RPUSD2: variants seen among roughly 807,000 people sequenced by gnomAD.
RPUSD2 encodes the protein RNA pseudouridine synthase domain containing 2.
A neutral mutation model predicts 41.5 loss-of-function variants in RPUSD2; 31 were observed. That is an observed-to-expected ratio of 0.75 (90% confidence interval 0.56 to 1.01). The LOEUF (loss-of-function observed/expected upper bound fraction) is 1.01. RPUSD2 is among the 50% of genes least tolerant of loss of function. The probability of loss-of-function intolerance (pLI) is 0.00; values close to 1 mark genes in which losing one functional copy is unlikely to be tolerated. For synonymous variants in RPUSD2, 305 were observed against 289.7 expected (o/e 1.05, Z -0.54); for missense variants, 749 against 724.7 (o/e 1.03, Z -0.38).
Position 40,569,679 on chromosome 15 carries a change from G to A in RPUSD2, c.342G>A (p.Pro114=), listed in dbSNP as rs200775057. Residue 114 remains proline (P), a synonymous_variant, in exon 1 of 3, where the codon CCG becomes CCA. Transcript: ENST00000315616. ...GATRERVVPP[P]KKRRTGVSFG... is the part of the protein sequence containing the mutation. The stretch of plus-strand genomic sequence containing the variant: ...CCAGGGAGCGTGTCGTGCCGCCCCC[G>A]AAGAAGCGGCGGACCGGGGTGAGCT... The A allele has an allele frequency of 4.4e-4, 685 of 1,560,410 alleles. 4 individuals carry two copies. In the African/African-American group the frequency reaches 7.5e-3, roughly 17 times the overall value.
chr15:40,569,889 G>C lies in RPUSD2; in HGVS notation c.552G>C (p.Ala184=), dbSNP rs1345035707. The C allele has an allele frequency of 1.3e-6, 2 of 1,582,586 alleles. No individual in the cohort carries two copies. Among genetic ancestry groups the C allele is most frequent in the South Asian group, 2.3e-5 (2 of 86,996 alleles). ...PLAYYEAAVR[A]GRLQLNEKPV... ...CCTACTATGAGGCCGCGGTCCGGGC[G>C]GGCCGCCTGCAACTCAACGAGAAGC... The change falls in exon 1 of 3, where the codon GCG becomes GCC. Residue 184 remains alanine (A), a synonymous_variant. Coordinates refer to ENST00000315616, the MANE Select transcript of RPUSD2 (RefSeq NM_152260.3).
Position 40,574,309 on chromosome 15 carries a change from G to T in RPUSD2, c.*48G>T, listed in dbSNP as rs1033549404. ...GCTTCTTGGGTTGTGACAAGGATGG[G>T]CTATAGGGCAAGGGCTGACCCCATG... is the stretch of plus-strand genomic sequence containing the variant. On this transcript the variant is annotated 3_prime_UTR_variant, in exon 3 of 3. Transcript: ENST00000315616. 2 of 1,571,540 alleles carry T rather than the reference G, an allele frequency of 1.3e-6. No individual in the cohort carries two copies. The highest frequency in any genetic ancestry group is 2.4e-5 in the South Asian group (2 of 83,692).
chr15:40,570,046 T>A (rs929881382), intron 1 of RPUSD2, 103 bp downstream of exon 1: 37 of 1,018,322 alleles, frequency 3.6e-5, no homozygotes, highest in Middle Eastern at 2.8e-4. Context: ...AGGTACTGGA[T>A]TAAAATCATG....
At chr15:40,570,226 AAC>A (rs1891109590) in intron 1 of RPUSD2, among the ~76,000 whole-genome samples, 1 of 152,138 alleles carries the variant, frequency 6.6e-6, no homozygotes, top group Admixed American at 6.5e-5. Flanking sequence ...AATTCCTTTA[AAC>A]ACCGTCTTGT....
At chr15:40,570,357 C>A (rs1277143124) in intron 1 of RPUSD2, among the ~76,000 whole-genome samples, 1 of 152,156 alleles carries the variant, frequency 6.6e-6, no homozygotes, top group Non-Finnish European at 1.5e-5. Context: ...ATTGTATGTC[C>A]ACTAATTCTA....
intron 2 of RPUSD2, 118 bp from the exon 3 acceptor site, chr15:40,573,409 G>A: frequency 6.2e-6 from 7 of 1,125,498 alleles, no homozygotes; most frequent in Non-Finnish European, 7.6e-6. Context: ...CGCAAAACTG[G>A]CGAATGGTAG....
rs398026953 is a variant in RPUSD2, at chr15:40,573,020, CT to C, written c.904-486del. Among the ~76,000 whole-genome samples the C allele has an allele frequency of 7.4e-3, 714 of 96,658 alleles. 5 individuals are homozygous for C. The highest frequency in any genetic ancestry group is 0.024 in the African/African-American group (585 of 24,518). 63.4% of individuals were successfully genotyped at this position (96,658 alleles called of 152,430 possible). A position where few individuals can be genotyped will look rare whatever the true frequency, so the allele number is the denominator to read the frequency against. On this transcript the variant is annotated intron_variant, in intron 2 of 2. Coordinates refer to ENST00000315616, the MANE Select transcript of RPUSD2 (RefSeq NM_152260.3). Reference sequence around the variant, plus strand: ...GAGGTAAATGCTTTTCTTTTCTTTTCTTTTTTTTTTTTTTTTTTTTTGAGAT... The same window carrying C: ...GAGGTAAATGCTTTTCTTTTCTTTTCTTTTTTTTTTTTTTTTTTTTGAGAT...
chr15:40,571,748 C>T lies in RPUSD2; in HGVS notation c.751C>T (p.His251Tyr). 1.9e-6 allele frequency: 3 copies of T among 1,614,262 alleles called. No individual in the cohort carries two copies. The highest frequency in any genetic ancestry group is 2.5e-6 in the Non-Finnish European group (3 of 1,180,052). ...CGTTCACCCCTGTGGCCGCTTCCGA[C>T]ACAACACAGTTATCTTCATCCTAGG... ...IPVHPCGRFR[H>Y]NTVIFILGKE... Residue 251 changes from histidine to tyrosine, a missense_variant, in exon 2 of 3, where the codon CAC becomes TAC. Coordinates refer to ENST00000315616, the MANE Select transcript of RPUSD2 (RefSeq NM_152260.3).
In RPUSD2 at chr15:40,571,982, A is replaced by C. The variant is rs565744341; in HGVS notation, c.903+82A>C. 216 of 1,423,146 alleles carry C rather than the reference A, an allele frequency of 1.5e-4. No homozygotes were observed. In the East Asian group the frequency reaches 3.7e-3, roughly 25 times the overall value. 88.2% of individuals were successfully genotyped at this position (1,423,146 alleles called of 1,614,324 possible). A position where few individuals can be genotyped will look rare whatever the true frequency, so the allele number is the denominator to read the frequency against. On this transcript the variant is annotated intron_variant, in intron 2 of 2. Coordinates refer to ENST00000315616, the MANE Select transcript of RPUSD2 (RefSeq NM_152260.3). ...TCAAAAGGGCATCATGGAGTTCCGA[A>C]GTGGTCCTTCATATTTATCTGGCCA...
In RPUSD2 at chr15:40,569,473, G is replaced by A. The variant is rs202033798; in HGVS notation, c.136G>A (p.Glu46Lys). ...AETVSTQVGT[E>K]GGLRASHQQN... is the part of the protein sequence containing the mutation. ...AACAGTGTCTACCCAGGTTGGGACA[G>A]AGGGCGGGCTGAGGGCTTCGCATCA... Residue 46 changes from glutamate (E) to lysine (K), a missense_variant, in exon 1 of 3, where the codon GAG becomes AAG. Coordinates refer to ENST00000315616, the MANE Select transcript of RPUSD2 (RefSeq NM_152260.3). 5.7e-6 allele frequency: 9 copies of A among 1,574,834 alleles called. No individual in the cohort carries two copies. The highest frequency in any genetic ancestry group is 5.2e-6 in the Non-Finnish European group (6 of 1,163,750).
rs962957052 is a variant in RPUSD2 at position 40,574,870 on chromosome 15, C to T, written c.*609C>T. The T allele has an allele frequency of 6.6e-6, 1 of 152,238 alleles. No homozygotes were observed. The highest frequency in any genetic ancestry group is 1.5e-5 in the Non-Finnish European group (1 of 68,070). The allele number at this position is 152,238 out of a possible 1,614,324, so 9.4% of individuals were successfully genotyped here. A position where few individuals can be genotyped will look rare whatever the true frequency, so the allele number is the denominator to read the frequency against. ...CTCCCCTTCCACCAGCCTCTGGCAA[C>T]CACTAATCTACTTTCTGTCTGTTTG... On this transcript the variant is annotated 3_prime_UTR_variant, in exon 3 of 3. Transcript: ENST00000315616.
At position 40,573,838 on chromosome 15, in the gene RPUSD2, C is replaced by T. The variant is rs1471184041; in HGVS notation, c.1215C>T (p.Pro405=). 10 of 1,614,030 alleles carry T rather than the reference C, an allele frequency of 6.2e-6. No homozygotes were observed. Among genetic ancestry groups the T allele is most frequent in the Non-Finnish European group, 8.5e-6 (10 of 1,180,026 alleles). Reference sequence around the variant, plus strand: ...CTCGAGGCCGGGGCGGCTACATTCCCAAGACAAACGAGGAGTTGCTACGGG... The same window carrying T: ...CTCGAGGCCGGGGCGGCTACATTCCTAAGACAAACGAGGAGTTGCTACGGG... ...GPSRGRGGYI[P]KTNEELLRDL... Residue 405 remains proline, a synonymous_variant, in exon 3 of 3, where the codon CCC becomes CCT. Coordinates refer to ENST00000315616, the MANE Select transcript of RPUSD2 (RefSeq NM_152260.3).
intron 1 of RPUSD2, 157 bp downstream of exon 1, chr15:40,570,100 G>A: frequency 9.2e-7 from 1 of 1,088,860 alleles, no homozygotes; most frequent in South Asian, 1.9e-5. Flanking sequence ...CACTATTTTA[G>A]CCCGTTTCCC....
chr15:40,569,870 A>G lies in RPUSD2; in HGVS notation c.533A>G (p.Tyr178Cys), dbSNP rs1891100715. 2 of 1,604,534 alleles carry G rather than the reference A, an allele frequency of 1.2e-6. No homozygotes were observed. The highest frequency in any genetic ancestry group is 1.3e-5 in the African/African-American group (1 of 74,862). Residue 178 changes from tyrosine (Y) to cysteine (C), a missense_variant, in exon 1 of 3, where the codon TAT becomes TGT. Tyr to Cys is a radical substitution (Grantham distance 194, BLOSUM62 -2). Coordinates refer to ENST00000315616, the MANE Select transcript of RPUSD2 (RefSeq NM_152260.3). ...TEFRAQPLAY[Y>C]EAAVRAGRLQ... ...TTCCGAGCTCAGCCCCTGGCCTACT[A>G]TGAGGCCGCGGTCCGGGCGGGCCGC...
At position 40,569,643 on chromosome 15, in the gene RPUSD2, G is replaced by A. The variant is rs753668034; in HGVS notation, c.306G>A (p.Arg102=). Residue 102 remains arginine, a synonymous_variant, in exon 1 of 3, where the codon CGG becomes CGA. Coordinates refer to ENST00000315616, the MANE Select transcript of RPUSD2 (RefSeq NM_152260.3). ...CAGGCCCGGGCAAGCATAAGAAGCG[G>A]CGGGGCGCAACCAGGGAGCGTGTCG... ...AAPGPGKHKK[R]RGATRERVVP... The A allele has an allele frequency of 3.9e-6, 6 of 1,539,288 alleles. 1 individual carries two copies. The African/African-American group carries it at 5.4e-5, about 14-fold the overall frequency.
intron 2 of RPUSD2, among the ~76,000 whole-genome samples, chr15:40,572,937 C>T (rs1375177160): frequency 1.3e-5 from 2 of 151,902 alleles, no homozygotes; most frequent in African/African-American, 4.8e-5. Context: ...TGCTATATAC[C>T]AGGCTTAGTA....
At chr15:40,573,410 C>T (rs990164053) in intron 2 of RPUSD2, 117 bp from the exon 3 acceptor site, 18 of 1,144,236 alleles carry the variant, frequency 1.6e-5, no homozygotes, top group East Asian at 4.8e-5. Context: ...GCAAAACTGG[C>T]GAATGGTAGA....
chr15:40,571,062 G>C (rs187729074), intron 1 of RPUSD2, among the ~76,000 whole-genome samples: 1 of 151,124 alleles, frequency 6.6e-6, no homozygotes, highest in Non-Finnish European at 1.5e-5. Context: ...GCGCGATCTC[G>C]GCTCACTGCA....
chr15:40,570,598 C>A (rs1891115725), intron 1 of RPUSD2, among the ~76,000 whole-genome samples: 1 of 152,224 alleles, frequency 6.6e-6, no homozygotes, highest in South Asian at 2.1e-4. Context: ...GTACCAGACA[C>A]CCCTGTCAGA....
Sources: gnomAD v4.1 joint callset for allele counts (sites outside exome capture counted in the v4.1 genomes callset) on GRCh38, gnomAD v4.1.1 for gene constraint, MANE v1.5 for transcripts, NCBI Gene and HGNC (gene_info 2026-07-23, HGNC 2026-07-21) for gene names.